Variants in CAAP1 observed in about 807,000 individuals in gnomAD.
CAAP1 encodes caspase activity and apoptosis inhibitor 1, also known as conserved anti-apoptotic protein.
CAAP1 carries 20 observed loss-of-function variants against 34.0 expected under a neutral mutation model. The ratio of observed to expected loss-of-function variants is 0.59; its 90% CI spans 0.41 to 0.86. CAAP1 has a LOEUF of 0.86. Ranked by LOEUF, CAAP1 falls within the 40% of genes least tolerant of loss-of-function variation. The pLI, the probability that CAAP1 is intolerant of heterozygous loss-of-function variation, is 0.00. For synonymous variants in CAAP1, 213 were observed against 166.7 expected, an observed-to-expected ratio of 1.28 and a Z score of -2.14; for missense variants, 538 against 450.5, an observed-to-expected ratio of 1.19 and a Z score of -1.76.
chr9:26,892,561 A>G lies in CAAP1; in HGVS notation c.155T>C (p.Val52Ala), dbSNP rs770602627. The change falls in exon 1 of 6, where the codon GTC becomes GCC. Residue 52 changes from valine to alanine, a missense_variant. Physicochemically the swap from Val to Ala is moderately conservative, Grantham distance 64 (BLOSUM62 0). Transcript: ENST00000333916. ...AAAATTGGCGTTCCCACAGCAGCTG[A>G]CGCTCCCGCAGCCCCCGGCGCTCCC... ...GCGSAGGCGS[V>A]SCCGNANFSG... The G allele has an allele frequency of 6.3e-6, 10 of 1,587,982 alleles. No homozygotes were observed. Among genetic ancestry groups the G allele is most frequent in the Admixed American group, 1.8e-5 (1 of 55,574 alleles).
intron 4 of CAAP1, among the ~76,000 whole-genome samples, chr9:26,875,461 C>T (rs765204292): frequency 2.0e-5 from 3 of 151,990 alleles, no homozygotes; most frequent in Non-Finnish European, 4.4e-5. Context: ...GCATAGGTCG[C>T]CTACTAAAAG....
intron 4 of CAAP1, among the ~76,000 whole-genome samples, chr9:26,871,133 G>A (rs1823265428): frequency 6.6e-6 from 1 of 152,112 alleles, no homozygotes; most frequent in African/African-American, 2.4e-5. Flanking sequence ...GAACACCATT[G>A]ACCCTCTGAA....
chr9:26,856,393 T>A (rs1409313442), intron 5 of CAAP1, among the ~76,000 whole-genome samples: 2 of 152,122 alleles, frequency 1.3e-5, no homozygotes, highest in Non-Finnish European at 2.9e-5. Context: ...TTTCTTCCAA[T>A]AGAATAAAAA....
chr9:26,884,523 G>C (rs148010379), intron 4 of CAAP1, among the ~76,000 whole-genome samples: 6 of 152,146 alleles, frequency 3.9e-5, no homozygotes, highest in Non-Finnish European at 5.9e-5. Context: ...ATCGTGAATA[G>C]TGTATTCAAA....
At chr9:26,883,266 T>C (rs1324266014) in intron 4 of CAAP1, among the ~76,000 whole-genome samples, 1 of 152,156 alleles carries the variant, frequency 6.6e-6, no homozygotes, top group Non-Finnish European at 1.5e-5. Flanking sequence ...TTCTTACATG[T>C]TGTGGAAGGG....
intron 5 of CAAP1, among the ~76,000 whole-genome samples, chr9:26,846,415 C>CAA (rs761402354): frequency 0.094 from 5,699 of 60,456 alleles, 507 homozygotes; most frequent in East Asian, 0.51. Flanking sequence ...GACTCTGTCT[C>CAA]AAAAAAAAAA....
chr9:26,846,415 CAAAAAAAAAAAA>C (rs761402354), intron 5 of CAAP1, among the ~76,000 whole-genome samples: 27 of 61,750 alleles, frequency 4.4e-4, no homozygotes, highest in African/African-American at 9.0e-4. Context: ...GACTCTGTCT[CAAAAAAAAAAAA>C]AAAAAAAAAA....
chr9:26,871,750 C>A (rs1461931310), intron 4 of CAAP1, among the ~76,000 whole-genome samples: 2 of 151,606 alleles, frequency 1.3e-5, no homozygotes, highest in Admixed American at 1.3e-4. Flanking sequence ...ATGGTGAAAC[C>A]CCATCTCTAC....
intron 4 of CAAP1, 44 bp from the exon 5 acceptor site, chr9:26,861,183 C>T: frequency 7.1e-7 from 1 of 1,406,850 alleles, no homozygotes; most frequent in Non-Finnish European, 1.0e-6. Context: ...TATATTTAAT[C>T]ACATAATATT....
chr9:26,861,208 C>G (rs1341193180), intron 4 of CAAP1, 69 bp from the exon 5 acceptor site: 1 of 1,179,546 alleles, frequency 8.5e-7, no homozygotes, highest in Non-Finnish European at 1.3e-6. Context: ...ACCCAGGTTC[C>G]CAGAATTAAG....
At chr9:26,878,013 T>A (rs377061420) in intron 4 of CAAP1, among the ~76,000 whole-genome samples, 19 of 152,298 alleles carry the variant, frequency 1.2e-4, no homozygotes, top group African/African-American at 4.1e-4. Flanking sequence ...TCTAACTTAC[T>A]CGACTATTTT....
chr9:26,891,590 C>G (rs1423063642), intron 1 of CAAP1, among the ~76,000 whole-genome samples: 1 of 152,068 alleles, frequency 6.6e-6, no homozygotes, highest in African/African-American at 2.4e-5. Flanking sequence ...AAAACCTGCA[C>G]ACCCAAATAT....
At position 26,886,203 on chromosome 9, in the gene CAAP1, ATTTT is replaced by A. The variant is rs1418969291; in HGVS notation, c.505-19_505-16del. On this transcript the variant is annotated splice_polypyrimidine_tract_variant and intron_variant, in intron 2 of 5. Transcript: ENST00000333916. ...ATTGAACAGTTCTAAAGGAAATGAC[ATTTT>A]AAAAAAATGCATTTATGTAACACAG... The A allele has an allele frequency of 7.3e-7, 1 of 1,366,408 alleles. No individual in the cohort carries two copies. The highest frequency in any genetic ancestry group is 9.7e-7 in the Non-Finnish European group (1 of 1,032,332). 84.6% of individuals were successfully genotyped at this position (1,366,408 alleles called of 1,614,324 possible).
At chr9:26,887,622 C>G in intron 1 of CAAP1, 109 bp from the exon 2 acceptor site, 2 of 685,518 alleles carry the variant, frequency 2.9e-6, no homozygotes, top group Non-Finnish European at 4.6e-6. Flanking sequence ...ATCAAAAATT[C>G]CCAAATTCTT....
intron 5 of CAAP1, among the ~76,000 whole-genome samples, chr9:26,859,764 A>G (rs1225794334): frequency 1.3e-5 from 2 of 152,200 alleles, no homozygotes; most frequent in Non-Finnish European, 2.9e-5. Context: ...ACAAAGACGT[A>G]ATTTTGTCTG....
At chr9:26,888,697 T>C (rs914969049) in intron 1 of CAAP1, among the ~76,000 whole-genome samples, 1 of 152,240 alleles carries the variant, frequency 6.6e-6, no homozygotes, top group African/African-American at 2.4e-5. Context: ...GAAGCTAATT[T>C]GGCAGTTCCT....
intron 4 of CAAP1, among the ~76,000 whole-genome samples, chr9:26,862,655 T>C (rs1412327396): frequency 6.6e-6 from 1 of 152,144 alleles, no homozygotes; most frequent in East Asian, 1.9e-4. Context: ...GGTTAAAGGG[T>C]TGCTAAAGAG....
intron 4 of CAAP1, among the ~76,000 whole-genome samples, chr9:26,871,035 G>C (rs140948363): frequency 1.3e-3 from 192 of 152,250 alleles, no homozygotes; most frequent in African/African-American, 4.5e-3. Context: ...TTGCATTCAA[G>C]TTTATTAATA....
At chr9:26,889,372 G>A (rs931928537) in intron 1 of CAAP1, among the ~76,000 whole-genome samples, 9 of 151,194 alleles carry the variant, frequency 6.0e-5, no homozygotes, top group African/African-American at 2.2e-4. Flanking sequence ...GAGCCGAGAT[G>A]GCGCCATTGC....
Sources: allele counts gnomAD v4.1 joint callset (sites outside exome capture counted in the v4.1 genomes callset), GRCh38; gene constraint gnomAD v4.1.1; transcripts MANE v1.5; gene names NCBI Gene and HGNC (gene_info 2026-07-23, HGNC 2026-07-21).